Variants in SPCS3 observed in about 807,000 individuals in gnomAD.
The protein encoded by SPCS3 is SPase 22 kDa subunit.
Under a neutral mutation model 17.2 loss-of-function variants are expected in SPCS3, and 9 were observed. That is an observed-to-expected ratio of 0.52 (90% confidence interval 0.31 to 0.91). The LOEUF is 0.91. Among genes scored for constraint, SPCS3 ranks in the 40% least tolerant of loss-of-function variants. The pLI is 0.04. For synonymous variants in SPCS3, 87 were observed against 89.6 expected, an observed-to-expected ratio of 0.97 and a Z score of 0.16; for missense variants, 139 against 217.5, an observed-to-expected ratio of 0.64 and a Z score of 2.27.
At chr4:176,326,150 A>T (rs35635314) in intron 3 of SPCS3, among the ~76,000 whole-genome samples, 12,647 of 151,648 alleles carry the variant, frequency 0.083, 687 homozygotes, top group Middle Eastern at 0.12. Context: ...AAATACAAAA[A>T]ATTAGCCAGG....
intron 2 of SPCS3, among the ~76,000 whole-genome samples, chr4:176,323,264 G>A (rs1226368771): frequency 6.6e-6 from 1 of 152,220 alleles, no homozygotes; most frequent in South Asian, 2.1e-4. Flanking sequence ...TCTACTGTGA[G>A]GGTAGTAATT....
Position 176,328,367 on chromosome 4 carries a change from A to G in SPCS3, c.*37A>G. On this transcript the variant is annotated 3_prime_UTR_variant, in exon 5 of 5. Transcript: ENST00000503362. The stretch of plus-strand genomic sequence containing the variant: ...TTTGAAACAACATATTTTTATACTT[A>G]ATGAATTGTATCTCATTAATCTCTT... 6.6e-7 allele frequency: 1 copy of G among 1,505,162 alleles called. No homozygotes were observed. Among genetic ancestry groups the G allele is most frequent in the Non-Finnish European group, 9.0e-7 (1 of 1,115,432 alleles). 93.2% of individuals were successfully genotyped at this position (1,505,162 alleles called of 1,614,324 possible).
At chr4:176,321,518 A>G (rs1012799088) in intron 1 of SPCS3, 6 of 152,378 alleles carry the variant, frequency 3.9e-5, no homozygotes, top group Admixed American at 2.0e-4. Context: ...CCCCCAGTGG[A>G]TGGCTGAAAC....
intron 3 of SPCS3, 131 bp downstream of exon 3, chr4:176,324,388 T>G (rs536964505): frequency 1.8e-4 from 74 of 421,896 alleles, no homozygotes; most frequent in African/African-American, 1.5e-3. Context: ...CCAGTGGAGG[T>G]AGCTGTGTTA....
chr4:176,328,123 C>T (rs1731632749), intron 4 of SPCS3, 75 bp from the exon 5 acceptor site: 5 of 1,343,968 alleles, frequency 3.7e-6, no homozygotes, highest in Non-Finnish European at 5.2e-6. Context: ...TATTTGACAT[C>T]TCAGTGTTTG....
At chr4:176,322,047 C>G (rs1210213160) in intron 1 of SPCS3, 123 bp from the exon 2 acceptor site, 8 of 540,506 alleles carry the variant, frequency 1.5e-5, no homozygotes, top group Non-Finnish European at 2.6e-5. Flanking sequence ...CTGGTGTTTA[C>G]TCGTTTCTTT....
At chr4:176,320,546 A>G (rs1309564364) in intron 1 of SPCS3, 1 of 162,808 alleles carries the variant, frequency 6.1e-6, no homozygotes, top group Admixed American at 6.4e-5. Flanking sequence ...AGGGAGCAAC[A>G]CAACAGCAGA....
rs138462799 is a variant in SPCS3 at position 176,324,990 on chromosome 4, T to C, written c.294+733T>C. 6.1e-3 allele frequency among the ~76,000 whole-genome samples: 914 copies of C among 150,690 alleles called. 10 individuals carry two copies. Among genetic ancestry groups the C allele is most frequent in the African/African-American group, 0.021 (872 of 41,150 alleles). ...AGAAAGATATTGCTGAACTATCAAC[T>C]AGGAAATGGAGTGGGTAGCCGGTAG... On this transcript the variant is annotated intron_variant, in intron 3 of 4. Coordinates refer to ENST00000503362, the MANE Select transcript of SPCS3 (RefSeq NM_021928.4).
intron 2 of SPCS3, among the ~76,000 whole-genome samples, chr4:176,323,734 T>C (rs13139047): frequency 0.095 from 14,387 of 152,186 alleles, 736 homozygotes; most frequent in Middle Eastern, 0.14. Context: ...TTATTATACT[T>C]GGTTAATTAT....
chr4:176,331,399 C>G lies in SPCS3; in HGVS notation c.*3069C>G, dbSNP rs1731684383. ...AGCATATATTCATTTCAAAACTTTC[C>G]TTGCTTTTAGCAGAGAGAAGCCTGT... On this transcript the variant is annotated 3_prime_UTR_variant, in exon 5 of 5. Transcript: ENST00000503362. The G allele has an allele frequency of 1.3e-5, 2 of 151,976 alleles. No homozygotes were observed. The highest frequency in any genetic ancestry group is 6.6e-5 in the Admixed American group (1 of 15,264). 9.4% of individuals were successfully genotyped at this position (151,976 alleles called of 1,614,324 possible). A position where few individuals can be genotyped will look rare whatever the true frequency, so the allele number is the denominator to read the frequency against.
Position 176,328,479 on chromosome 4 carries a change from G to C in SPCS3, c.*149G>C. The stretch of plus-strand genomic sequence containing the variant: ...TTGGTATAAGAACTAACATCAAAAG[G>C]CCTGTTTAAAGGGAAAGGTTAATGG... On this transcript the variant is annotated 3_prime_UTR_variant, in exon 5 of 5. Transcript: ENST00000503362. The C allele has an allele frequency of 1.9e-6, 1 of 526,344 alleles. No individual in the cohort carries two copies. 32.6% of individuals were successfully genotyped at this position (526,344 alleles called of 1,614,324 possible).
rs920768057 is a variant in SPCS3, at chr4:176,329,294, C to T, written c.*964C>T. 2 of 152,094 alleles carry T rather than the reference C, an allele frequency of 1.3e-5. No individual in the cohort carries two copies. The highest frequency in any genetic ancestry group is 2.4e-5 in the African/African-American group (1 of 41,428). The allele number at this position is 152,094 out of a possible 1,614,324, so 9.4% of individuals were successfully genotyped here. A position where few individuals can be genotyped will look rare whatever the true frequency, so the allele number is the denominator to read the frequency against. On this transcript the variant is annotated 3_prime_UTR_variant, in exon 5 of 5. Transcript: ENST00000503362. Reference sequence around the variant, plus strand: ...ATGAGGTAAGTAGTATAAGTGTTAGCTCTTTGCAGATAAGAAACTGAAACC... The same window carrying T: ...ATGAGGTAAGTAGTATAAGTGTTAGTTCTTTGCAGATAAGAAACTGAAACC...
In SPCS3 at chr4:176,329,293, G is replaced by A. The variant is rs1191391865; in HGVS notation, c.*963G>A. ...AATGAGGTAAGTAGTATAAGTGTTA[G>A]CTCTTTGCAGATAAGAAACTGAAAC... On this transcript the variant is annotated 3_prime_UTR_variant, in exon 5 of 5. Coordinates refer to ENST00000503362, the MANE Select transcript of SPCS3 (RefSeq NM_021928.4). The A allele has an allele frequency of 6.6e-6, 1 of 152,082 alleles. No homozygotes were observed. Among genetic ancestry groups the A allele is most frequent in the Non-Finnish European group, 1.5e-5 (1 of 67,976 alleles). 9.4% of individuals were successfully genotyped at this position (152,082 alleles called of 1,614,324 possible). A position where few individuals can be genotyped will look rare whatever the true frequency, so the allele number is the denominator to read the frequency against.
Position 176,320,126 on chromosome 4 carries a change from G to A in SPCS3, c.50G>A (p.Ser17Asn). ...AACTCACTGTTCGCCTTCTCGCTGA[G>A]CGTGATGGCGGCGCTCACCTTCGGC... is the stretch of plus-strand genomic sequence containing the variant. ...RANSLFAFSL[S>N]VMAALTFGCF... The change falls in exon 1 of 5, where the codon AGC (serine) becomes AAC (asparagine). Residue 17 changes from serine (S) to asparagine (N), a missense_variant. By Grantham distance (46) the Ser-to-Asn change is conservative. Transcript: ENST00000503362. 2 of 1,583,018 alleles carry A rather than the reference G, an allele frequency of 1.3e-6. No individual in the cohort carries two copies. The highest frequency in any genetic ancestry group is 1.7e-6 in the Non-Finnish European group (2 of 1,165,660).
In SPCS3 at chr4:176,328,530, A is replaced by G. The variant is rs12643094; in HGVS notation, c.*200A>G. The G allele has an allele frequency of 0.15, 46,939 of 319,946 alleles. 4,540 individuals are homozygous for G. The highest frequency in any genetic ancestry group is 0.29 in the East Asian group (5,568 of 19,526). 19.8% of individuals were successfully genotyped at this position (319,946 alleles called of 1,614,324 possible). On this transcript the variant is annotated 3_prime_UTR_variant, in exon 5 of 5. Coordinates refer to ENST00000503362, the MANE Select transcript of SPCS3 (RefSeq NM_021928.4). ...GCTACTTAATATTATGAACAAAACA[A>G]AAAAACAAGGCTGCCACAGTGGAAT...
At position 176,324,202 on chromosome 4, in the gene SPCS3, G is replaced by T; in HGVS notation, c.239G>T (p.Trp80Leu). ...ITADLENIFD[W>L]NVKQLFLYLS... ...TTACATCTAGAGAATATATTTGATT[G>T]GAATGTTAAGCAGTTGTTTCTTTAT... Residue 80 changes from tryptophan (W) to leucine (L), a missense_variant, in exon 3 of 5, where the codon TGG becomes TTG. By Grantham distance (61) the Trp-to-Leu change is moderately conservative (BLOSUM62 -2). Transcript: ENST00000503362. The T allele has an allele frequency of 8.5e-7, 1 of 1,172,116 alleles. No individual in the cohort carries two copies. The highest frequency in any genetic ancestry group is 1.2e-6 in the Non-Finnish European group (1 of 853,042). The allele number at this position is 1,172,116 out of a possible 1,614,324, so 72.6% of individuals were successfully genotyped here. A position where few individuals can be genotyped will look rare whatever the true frequency, so the allele number is the denominator to read the frequency against.
At position 176,329,623 on chromosome 4, in the gene SPCS3, A is replaced by G. The variant is rs1280378746; in HGVS notation, c.*1293A>G. ...TTATATTAAAAGCATAAGGAAATCT[A>G]CATGTATGTAAAAATAACTTAGAAA... On this transcript the variant is annotated 3_prime_UTR_variant, in exon 5 of 5. Transcript: ENST00000503362. 3 of 152,222 alleles carry G rather than the reference A, an allele frequency of 2.0e-5. No individual in the cohort carries two copies. The highest frequency in any genetic ancestry group is 7.2e-5 in the African/African-American group (3 of 41,470). The allele number at this position is 152,222 out of a possible 1,614,324, so 9.4% of individuals were successfully genotyped here.
intron 3 of SPCS3, among the ~76,000 whole-genome samples, chr4:176,325,536 C>T (rs539230639): frequency 5.0e-4 from 74 of 149,112 alleles, no homozygotes; most frequent in African/African-American, 1.7e-3. Flanking sequence ...TTTTAAAATC[C>T]ATCTTAGTAC....
At position 176,330,089 on chromosome 4, in the gene SPCS3, C is replaced by G. The variant is rs921271567; in HGVS notation, c.*1759C>G. The G allele has an allele frequency of 6.6e-6, 1 of 152,112 alleles. No individual in the cohort carries two copies. 9.4% of individuals were successfully genotyped at this position (152,112 alleles called of 1,614,324 possible). On this transcript the variant is annotated 3_prime_UTR_variant, in exon 5 of 5. Coordinates refer to ENST00000503362, the MANE Select transcript of SPCS3 (RefSeq NM_021928.4). ...TGGACCAGTTAACTTTAATGGCCAT[C>G]CTTTTACACCACACAAGTTGATAAA...
Sources: gnomAD v4.1 joint callset for allele counts (sites outside exome capture counted in the v4.1 genomes callset) on GRCh38, gnomAD v4.1.1 for gene constraint, MANE v1.5 for transcripts, NCBI Gene and HGNC (gene_info 2026-07-23, HGNC 2026-07-21) for gene names.